Variants in SCN11A observed in about 807,000 individuals in gnomAD.
SCN11A encodes the protein sodium channel protein type 11 subunit alpha.
Under a neutral mutation model 162.2 loss-of-function variants are expected in SCN11A, and 122 were observed. The ratio of observed to expected loss-of-function variants is 0.75; its 90% CI spans 0.65 to 0.87. SCN11A has a LOEUF of 0.87. Ranked by LOEUF, SCN11A falls within the 40% of genes least tolerant of loss-of-function variation. The pLI, the probability that SCN11A is intolerant of heterozygous loss-of-function variation, is 0.00. For synonymous variants in SCN11A, 758 were observed against 751.5 expected (o/e 1.01, Z -0.14); for missense variants, 2,015 against 2,181.6 (o/e 0.92, Z 1.52).
intron 15 of SCN11A, 58 bp from the exon 16 acceptor site, chr3:38,904,161 T>TC: frequency 1.8e-6 from 2 of 1,106,582 alleles, no homozygotes; most frequent in Non-Finnish European, 2.6e-6. Context: ...CAGATGCCCT[T>TC]TGCCTGAGTG....
intron 19 of SCN11A, among the ~76,000 whole-genome samples, chr3:38,893,721 A>C (rs1009748866): frequency 6.6e-6 from 1 of 152,168 alleles, no homozygotes; most frequent in Non-Finnish European, 1.5e-5. Context: ...GAAATTTGAG[A>C]TATTTATAAA....
chr3:38,853,785 C>T lies in SCN11A; in HGVS notation c.4057-3034G>A, dbSNP rs565016045. ...CCTGCTTTCCCTGACTTTTCAGCCT[C>T]CACTGACCTGCTCTGCTATGGAGCA... On this transcript the variant is annotated intron_variant, in intron 28 of 29. Transcript: ENST00000302328. Among the ~76,000 whole-genome samples the T allele has an allele frequency of 1.9e-3, 290 of 152,284 alleles. 4 individuals carry two copies. The highest frequency in any genetic ancestry group is 1.0e-3 in the Non-Finnish European group (71 of 68,032).
At chr3:38,976,157 T>G (rs2066848038) in intron 2 of SCN11A, among the ~76,000 whole-genome samples, 1 of 152,194 alleles carries the variant, frequency 6.6e-6, no homozygotes, top group Non-Finnish European at 1.5e-5. Context: ...TGTCATTGTT[T>G]TCATATTGGA....
chr3:38,946,713 C>T (rs770867776), intron 6 of SCN11A, 76 bp downstream of exon 6: 1 of 910,532 alleles, frequency 1.1e-6, no homozygotes, highest in Middle Eastern at 2.2e-4. Flanking sequence ...TGCTTCCATC[C>T]AATAACATGA....
chr3:38,955,900 A>C (rs1316019265), intron 3 of SCN11A, among the ~76,000 whole-genome samples: 1 of 152,240 alleles, frequency 6.6e-6, no homozygotes, highest in Non-Finnish European at 1.5e-5. Context: ...AGGCTTAAGA[A>C]GCAATTGCTC....
At position 38,894,753 on chromosome 3, in the gene SCN11A, C is replaced by G. The variant is rs746903558; in HGVS notation, c.2615G>C (p.Gly872Ala). The G allele has an allele frequency of 6.2e-7, 1 of 1,614,188 alleles. No homozygotes were observed. The highest frequency in any genetic ancestry group is 8.5e-7 in the Non-Finnish European group (1 of 1,180,012). The change falls in exon 19 of 30, where the codon GGC becomes GCC. Residue 872 changes from glycine to alanine, a missense_variant. By Grantham distance (60) the Gly-to-Ala change is moderately conservative. Transcript: ENST00000302328. ...NLPQQKEVAG[G>A]CAAQSKDIIP... Reference sequence around the variant, plus strand: ...GATGTCTTTGCTTTGTGCAGCACAGCCTCCTGCCACCTCTTTTTGCTGTGG... The same window carrying G: ...GATGTCTTTGCTTTGTGCAGCACAGGCTCCTGCCACCTCTTTTTGCTGTGG...
chr3:38,879,985 TG>T lies in SCN11A; in HGVS notation c.3357del (p.Ser1120ValfsTer11). The T allele has an allele frequency of 6.2e-7, 1 of 1,613,084 alleles. No individual in the cohort carries two copies. Among genetic ancestry groups the T allele is most frequent in the Non-Finnish European group, 8.5e-7 (1 of 1,179,458 alleles). On this transcript the variant is annotated frameshift_variant, in exon 23 of 30. Transcript: ENST00000302328. LOFTEE classifies it high-confidence loss of function. ...ATGAAATCAAGGCAGCACCAGGCAC[TG>T]GTGAAATACTTTCCAAATCCGAAGG... is the stretch of plus-strand genomic sequence containing the variant. ...WVAFGFGKYF[T>X]SAWCCLDFII...
At chr3:38,867,186 T>G in intron 27 of SCN11A, 135 bp downstream of exon 27, 1 of 762,202 alleles carries the variant, frequency 1.3e-6, no homozygotes, top group East Asian at 2.7e-5. Context: ...CAGGCAGACA[T>G]GGGAGGCTCC....
At chr3:39,050,250 G>T (rs1397602528) in intron 1 of SCN11A, among the ~76,000 whole-genome samples, 1 of 152,078 alleles carries the variant, frequency 6.6e-6, no homozygotes, top group Non-Finnish European at 1.5e-5. Context: ...CCTTTGCTCA[G>T]ACTGTTCCCT....
chr3:38,955,220 G>A (rs768159350), intron 3 of SCN11A, among the ~76,000 whole-genome samples: 2 of 152,232 alleles, frequency 1.3e-5, no homozygotes, highest in Admixed American at 6.5e-5. Flanking sequence ...CCAGGAGGTA[G>A]TGGTTGCAGT....
chr3:38,878,514 C>T (rs1248542434), intron 23 of SCN11A, among the ~76,000 whole-genome samples: 1 of 152,032 alleles, frequency 6.6e-6, no homozygotes, highest in Non-Finnish European at 1.5e-5. Context: ...CATCTGTTCA[C>T]ACAGTTTTTA....
intron 1 of SCN11A, among the ~76,000 whole-genome samples, chr3:39,037,823 TAAA>T (rs2031945816): frequency 6.6e-6 from 1 of 152,010 alleles, no homozygotes; most frequent in Non-Finnish European, 1.5e-5. Context: ...GAGCCGAAAA[TAAA>T]GAAGGATGTT....
chr3:38,854,383 C>G (rs997111421), intron 28 of SCN11A, among the ~76,000 whole-genome samples: 3 of 152,118 alleles, frequency 2.0e-5, no homozygotes, highest in Middle Eastern at 3.2e-3. Flanking sequence ...GTATGCATGA[C>G]CTTAACCTCA....
chr3:38,933,730 C>G (rs1234687456), intron 7 of SCN11A, among the ~76,000 whole-genome samples: 6 of 152,254 alleles, frequency 3.9e-5, no homozygotes, highest in Middle Eastern at 3.4e-3. Context: ...TATGTGAAAA[C>G]ACCAAATCTA....
chr3:38,947,790 AATCT>A (rs1429946087), intron 5 of SCN11A, among the ~76,000 whole-genome samples: 1 of 152,206 alleles, frequency 6.6e-6, no homozygotes, highest in African/African-American at 2.4e-5. Context: ...ATGTAACTGT[AATCT>A]AGCTGTCCCC....
chr3:38,876,290 C>T (rs953500366), intron 23 of SCN11A, among the ~76,000 whole-genome samples: 3 of 152,128 alleles, frequency 2.0e-5, no homozygotes, highest in African/African-American at 7.2e-5. Flanking sequence ...CTCTTCTAGA[C>T]ATTGGCTTAG....
At chr3:38,951,534 C>T (rs878881596) in intron 4 of SCN11A, among the ~76,000 whole-genome samples, 4 of 152,250 alleles carry the variant, frequency 2.6e-5, no homozygotes, top group African/African-American at 4.8e-5. Context: ...CTGAGGAGTG[C>T]GAGCGCATGG....
chr3:39,038,681 T>C (rs548391753), intron 1 of SCN11A, among the ~76,000 whole-genome samples: 143 of 152,304 alleles, frequency 9.4e-4, no homozygotes, highest in Non-Finnish European at 1.5e-3. Context: ...CATCACCAAG[T>C]CTAGTTGGTG....
intron 29 of SCN11A, chr3:38,849,282 T>TTTTTG (rs386396395): frequency 4.7e-5 from 7 of 149,290 alleles, no homozygotes; most frequent in Non-Finnish European, 8.9e-5. Flanking sequence ...TTTTTTTTTT[T>TTTTTG]TGCTGCTGTC....
Sources: gnomAD v4.1 joint callset for allele counts (sites outside exome capture counted in the v4.1 genomes callset) on GRCh38, gnomAD v4.1.1 for gene constraint, MANE v1.5 for transcripts, NCBI Gene and HGNC (gene_info 2026-07-23, HGNC 2026-07-21) for gene names.